The following XIRP2 variants were observed in gnomAD, a reference collection of about 807,000 sequenced individuals.
The protein encoded by XIRP2 is xin actin-binding repeat-containing protein 2.
In XIRP2, 236 loss-of-function variants were observed where a neutral mutation model predicts 277.0. The observed-to-expected ratio is 0.85, with a 90% CI of 0.77 to 0.95. The LOEUF is 0.95. Among genes scored for constraint, XIRP2 ranks in the 40% least tolerant of loss-of-function variants. The pLI, the probability that XIRP2 is intolerant of heterozygous loss-of-function variation, is 0.00. For missense variants in XIRP2, 4,640 were observed against 4,157.5 expected (o/e 1.12, Z -3.19); for synonymous variants, 1,490 against 1,416.5 (o/e 1.05, Z -1.17).
chr2:166,932,979 C>T (rs1685388553), intron 2 of XIRP2, among the ~76,000 whole-genome samples: 1 of 152,074 alleles, frequency 6.6e-6, no homozygotes, highest in Non-Finnish European at 1.5e-5. Flanking sequence ...TGGTGAACTT[C>T]CTCAACCCTA....
chr2:167,247,113 T>C lies in XIRP2; in HGVS notation c.5721T>C (p.Asn1907=), dbSNP rs1156815483. The C allele has an allele frequency of 1.2e-6, 2 of 1,613,146 alleles. No homozygotes were observed. The highest frequency in any genetic ancestry group is 2.2e-5 in the East Asian group (1 of 44,824). The change falls in exon 9 of 11, where the codon AAT becomes AAC. Residue 1907 remains asparagine, a synonymous_variant. Transcript: ENST00000409195. The part of the protein sequence containing the change: ...KAIECLEKAT[N]TKTEILKKEL... ...TTGAATGCCTTGAAAAAGCTACAAA[T>C]ACAAAGACAGAAATTCTGAAAAAGG...
chr2:167,043,358 A>G (rs1412048258), intron 2 of XIRP2, among the ~76,000 whole-genome samples: 9 of 151,756 alleles, frequency 5.9e-5, no homozygotes, highest in Admixed American at 1.3e-4. Flanking sequence ...AAAATTGAGA[A>G]CACAAAAAAA....
intron 2 of XIRP2, among the ~76,000 whole-genome samples, chr2:166,973,090 T>C (rs530282009): frequency 6.6e-6 from 1 of 152,310 alleles, no homozygotes; most frequent in East Asian, 1.9e-4. Flanking sequence ...CTTCATTTCA[T>C]ACCACTTGCA....
chr2:167,164,014 T>C (rs1369707683), intron 3 of XIRP2, among the ~76,000 whole-genome samples: 2 of 152,230 alleles, frequency 1.3e-5, no homozygotes, highest in Non-Finnish European at 2.9e-5. Flanking sequence ...TATCACATTG[T>C]CTTGGTTACT....
intron 5 of XIRP2, 60 bp from the exon 6 acceptor site, chr2:167,239,794 TA>T (rs1573986197): frequency 1.4e-6 from 2 of 1,447,344 alleles, no homozygotes; most frequent in Non-Finnish European, 1.9e-6. Flanking sequence ...ATTGCACAAA[TA>T]AAAAAAGTTA....
Position 167,218,152 on chromosome 2 carries a change from T to C in XIRP2, c.724-14T>C, listed in dbSNP as rs1424334307. The C allele has an allele frequency of 2.0e-6, 3 of 1,535,980 alleles. No homozygotes were observed. Among genetic ancestry groups the C allele is most frequent in the Non-Finnish European group, 2.6e-6 (3 of 1,141,240 alleles). On this transcript the variant is annotated splice_polypyrimidine_tract_variant and intron_variant, in intron 4 of 10. Coordinates refer to ENST00000409195, the MANE Select transcript of XIRP2 (RefSeq NM_152381.6). ...CTGTAAAGCTGAATTTTCCTTTTTC[T>C]TAAATCATCCTAGATGATGGAAGAA...
At chr2:166,908,002 T>A (rs2105341684) in intron 2 of XIRP2, among the ~76,000 whole-genome samples, 1 of 148,030 alleles carries the variant, frequency 6.8e-6, no homozygotes, top group South Asian at 2.2e-4. Context: ...ATTTAGTTAA[T>A]CCAGTGTATC....
intron 3 of XIRP2, among the ~76,000 whole-genome samples, chr2:167,158,978 G>A (rs996482648): frequency 6.6e-6 from 1 of 152,100 alleles, no homozygotes; most frequent in African/African-American, 2.4e-5. Flanking sequence ...GGGGTAGGAG[G>A]GGAAAGAGTT....
chr2:167,231,770 A>T (rs1694765007), intron 5 of XIRP2, among the ~76,000 whole-genome samples: 1 of 151,966 alleles, frequency 6.6e-6, no homozygotes, highest in Non-Finnish European at 1.5e-5. Flanking sequence ...AGAAGCAGGG[A>T]CCATAGACAA....
chr2:167,050,090 C>G (rs1000663817), intron 2 of XIRP2, among the ~76,000 whole-genome samples: 4 of 152,026 alleles, frequency 2.6e-5, no homozygotes, highest in African/African-American at 9.7e-5. Context: ...TCTGTCTTAT[C>G]CATGTGGAAC....
chr2:166,996,849 C>T (rs1687235650), intron 2 of XIRP2, among the ~76,000 whole-genome samples: 1 of 152,154 alleles, frequency 6.6e-6, no homozygotes, highest in Admixed American at 6.5e-5. Context: ...ATCTTCACTT[C>T]TGTCCAGATC....
At chr2:166,913,203 G>T (rs1684761168) in intron 2 of XIRP2, among the ~76,000 whole-genome samples, 1 of 152,194 alleles carries the variant, frequency 6.6e-6, no homozygotes, top group Non-Finnish European at 1.5e-5. Flanking sequence ...CCCCCCAGAG[G>T]TGGAGTCTAC....
chr2:166,982,892 T>C (rs1308065249), intron 2 of XIRP2, among the ~76,000 whole-genome samples: 2 of 152,176 alleles, frequency 1.3e-5, no homozygotes, highest in Non-Finnish European at 2.9e-5. Context: ...TGTCCCTGCA[T>C]GACAGAGATT....
chr2:167,041,888 C>G (rs999960488), intron 2 of XIRP2, among the ~76,000 whole-genome samples: 1 of 152,036 alleles, frequency 6.6e-6, no homozygotes, highest in African/African-American at 2.4e-5. Flanking sequence ...ATCAGGTTCT[C>G]CAAAGTCAAT....
intron 6 of XIRP2, among the ~76,000 whole-genome samples, chr2:167,240,384 C>T (rs1695027635): frequency 6.6e-6 from 1 of 152,112 alleles, no homozygotes. Context: ...CATTGCACTC[C>T]AGCCCGGGTG....
At chr2:167,044,845 C>T (rs373692828) in intron 2 of XIRP2, among the ~76,000 whole-genome samples, 3 of 151,708 alleles carry the variant, frequency 2.0e-5, no homozygotes, top group Non-Finnish European at 4.4e-5. Flanking sequence ...TGTACAGATT[C>T]GATGCTATTC....
chr2:167,195,223 A>G (rs374643325), intron 3 of XIRP2, among the ~76,000 whole-genome samples: 46 of 152,206 alleles, frequency 3.0e-4, no homozygotes, highest in African/African-American at 1.1e-3. Context: ...TGAAACAAAT[A>G]CACTTTCTGT....
At chr2:167,157,927 G>A (rs778433678) in intron 3 of XIRP2, among the ~76,000 whole-genome samples, 2 of 151,802 alleles carry the variant, frequency 1.3e-5, no homozygotes, top group African/African-American at 2.4e-5. Flanking sequence ...AGACTATTAA[G>A]AGTGAAAAAA....
intron 2 of XIRP2, among the ~76,000 whole-genome samples, chr2:167,092,932 T>C (rs749060798): frequency 2.6e-5 from 4 of 152,164 alleles, no homozygotes; most frequent in Non-Finnish European, 5.9e-5. Flanking sequence ...TCTGCTTATA[T>C]GTGGTACCTA....
Sources: gnomAD v4.1 joint callset for allele counts (sites outside exome capture counted in the v4.1 genomes callset) on GRCh38, gnomAD v4.1.1 for gene constraint, MANE v1.5 for transcripts, NCBI Gene and HGNC (gene_info 2026-07-23, HGNC 2026-07-21) for gene names.